The following FUT8 variants were observed in gnomAD, a reference collection of about 807,000 sequenced individuals.
FUT8 encodes fucosyltransferase 8, also known as alpha-(1,6)-fucosyltransferase.
In FUT8, 29 loss-of-function variants were observed where a neutral mutation model predicts 71.3. The ratio of observed to expected loss-of-function variants is 0.41; its 90% CI spans 0.30 to 0.55. The LOEUF (loss-of-function observed/expected upper bound fraction) is 0.55. FUT8 is among the 20% of genes least tolerant of loss of function. The pLI, the probability that FUT8 is intolerant of heterozygous loss-of-function variation, is 0.34. For synonymous variants in FUT8, 254 were observed against 239.3 expected, an observed-to-expected ratio of 1.06 and a Z score of -0.57; for missense variants, 544 against 702.1, an observed-to-expected ratio of 0.77 and a Z score of 2.55.
chr14:65,530,401 T>C (rs572984580), intron 2 of FUT8, among the ~76,000 whole-genome samples: 1 of 152,312 alleles, frequency 6.6e-6, no homozygotes, highest in South Asian at 2.1e-4. Flanking sequence ...AGTTTTCTAG[T>C]TGTTTACATT....
chr14:65,461,294 C>T (rs1280459156), intron 2 of FUT8, among the ~76,000 whole-genome samples: 2 of 152,144 alleles, frequency 1.3e-5, no homozygotes, highest in East Asian at 3.8e-4. Flanking sequence ...GTTCAAATGT[C>T]CTTCTTATAA....
rs141263332 is a variant in FUT8 at position 65,741,661 on chromosome 14, G to A, written c.1411-432G>A. 2.3e-3 allele frequency among the ~76,000 whole-genome samples: 348 copies of A among 152,084 alleles called. 3 individuals are homozygous for A. Among genetic ancestry groups the A allele is most frequent in the African/African-American group, 8.1e-3 (335 of 41,526 alleles). ...AGTGTATGAAGGAAAGGGACCATCAGCATTTATTTGTGTTAAGTTTTTTTA... is the reference window on the plus strand; with the variant it reads ...AGTGTATGAAGGAAAGGGACCATCAACATTTATTTGTGTTAAGTTTTTTTA... On this transcript the variant is annotated intron_variant, in intron 10 of 10. Transcript: ENST00000673929.
chr14:65,565,333 G>A (rs770107604), intron 3 of FUT8, among the ~76,000 whole-genome samples: 3 of 151,712 alleles, frequency 2.0e-5, no homozygotes, highest in African/African-American at 4.8e-5. Context: ...AAATTTCAAC[G>A]TGAGTTTTGA....
intron 2 of FUT8, among the ~76,000 whole-genome samples, chr14:65,525,117 G>A (rs1450577545): frequency 6.6e-6 from 1 of 152,128 alleles, no homozygotes; most frequent in Admixed American, 6.5e-5. Context: ...TCTATTGATG[G>A]GAATAGTTTC....
intron 7 of FUT8, among the ~76,000 whole-genome samples, chr14:65,692,700 A>T (rs928699663): frequency 7.4e-6 from 1 of 135,900 alleles, no homozygotes; most frequent in Non-Finnish European, 1.6e-5. Flanking sequence ...GGGGCTCCTC[A>T]CTTCTCAGAC....
At chr14:65,425,803 C>T (rs1273836322) in intron 1 of FUT8, among the ~76,000 whole-genome samples, 3 of 151,868 alleles carry the variant, frequency 2.0e-5, no homozygotes, top group East Asian at 3.9e-4. Flanking sequence ...TAATGAAACC[C>T]CATCTCTATT....
chr14:65,693,178 C>T (rs1259876945), intron 7 of FUT8, among the ~76,000 whole-genome samples: 3 of 152,168 alleles, frequency 2.0e-5, no homozygotes, highest in South Asian at 2.1e-4. Flanking sequence ...GAGGTTGTAG[C>T]GAGCCGAGAT....
At chr14:65,527,443 G>A (rs540562641) in intron 2 of FUT8, among the ~76,000 whole-genome samples, 10 of 152,214 alleles carry the variant, frequency 6.6e-5, no homozygotes, top group Admixed American at 5.9e-4. Context: ...CTCTACACTG[G>A]TTATTCTAGT....
chr14:65,567,319 A>T (rs1277013977), intron 3 of FUT8, among the ~76,000 whole-genome samples: 1 of 151,970 alleles, frequency 6.6e-6, no homozygotes, highest in Non-Finnish European at 1.5e-5. Flanking sequence ...GTCATCTGCC[A>T]ATACGGGTTA....
At chr14:65,518,733 C>T (rs1429685191) in intron 2 of FUT8, among the ~76,000 whole-genome samples, 1 of 151,998 alleles carries the variant, frequency 6.6e-6, no homozygotes, top group Non-Finnish European at 1.5e-5. Flanking sequence ...CGCCATGGGC[C>T]TGTCTCAAAC....
At chr14:65,626,098 C>G (rs1170299971) in intron 5 of FUT8, among the ~76,000 whole-genome samples, 4 of 151,970 alleles carry the variant, frequency 2.6e-5, no homozygotes, top group Non-Finnish European at 5.9e-5. Context: ...AATTGATTAT[C>G]AATACCACGT....
intron 3 of FUT8, among the ~76,000 whole-genome samples, chr14:65,605,674 T>G (rs1315645786): frequency 6.6e-6 from 1 of 152,010 alleles, no homozygotes; most frequent in African/African-American, 2.4e-5. Flanking sequence ...TTTCTGTTGT[T>G]TAAGCCACCC....
intron 7 of FUT8, among the ~76,000 whole-genome samples, chr14:65,675,533 AT>A (rs1416368740): frequency 6.6e-6 from 1 of 152,176 alleles, no homozygotes; most frequent in East Asian, 1.9e-4. Flanking sequence ...TGTTAGGAGC[AT>A]TTTGGTGGAA....
intron 1 of FUT8, among the ~76,000 whole-genome samples, chr14:65,432,141 C>T (rs1408051338): frequency 6.6e-6 from 1 of 152,138 alleles, no homozygotes; most frequent in Non-Finnish European, 1.5e-5. Flanking sequence ...TTGCTGTCCT[C>T]TTGGCTCATT....
intron 2 of FUT8, among the ~76,000 whole-genome samples, chr14:65,463,336 G>A (rs979323493): frequency 6.6e-5 from 10 of 151,954 alleles, no homozygotes; most frequent in African/African-American, 2.4e-4. Flanking sequence ...GCGCAGTCAC[G>A]GCTCACTGCA....
chr14:65,441,582 A>C (rs1028723044), intron 1 of FUT8, among the ~76,000 whole-genome samples: 3 of 151,784 alleles, frequency 2.0e-5, no homozygotes, highest in Admixed American at 6.6e-5. Flanking sequence ...CTCTACTAAA[A>C]ACACACACAC....
the FUT8 span, among the ~76,000 whole-genome samples, chr14:65,374,054 C>T: frequency 6.6e-6 from 1 of 152,220 alleles, no homozygotes. Flanking sequence ...CCAGTTGCCC[C>T]CAAAGGCTGA....
chr14:65,445,934 C>G (rs1428570465), intron 1 of FUT8, among the ~76,000 whole-genome samples: 1 of 152,166 alleles, frequency 6.6e-6, no homozygotes, highest in Non-Finnish European at 1.5e-5. Context: ...AGCTAGAAAA[C>G]CTTTCATATT....
At chr14:65,531,023 T>C (rs776516660) in intron 2 of FUT8, among the ~76,000 whole-genome samples, 13 of 149,852 alleles carry the variant, frequency 8.7e-5, no homozygotes, top group Admixed American at 2.0e-4. Flanking sequence ...TGTTGAGATA[T>C]AGTAAAATAT....
Sources: gnomAD v4.1 joint callset for allele counts (sites outside exome capture counted in the v4.1 genomes callset) on GRCh38, gnomAD v4.1.1 for gene constraint, MANE v1.5 for transcripts, NCBI Gene and HGNC (gene_info 2026-07-23, HGNC 2026-07-21) for gene names.